Variants in SNW1 observed in about 807,000 individuals in gnomAD.
SNW1 encodes SNW domain-containing protein 1.
A neutral mutation model predicts 75.6 loss-of-function variants in SNW1; 9 were observed. The observed-to-expected ratio is 0.12, with a 90% CI of 0.07 to 0.21. The LOEUF (loss-of-function observed/expected upper bound fraction) is 0.21, where lower values mean the gene tolerates loss of function less well. Ranked by LOEUF, SNW1 falls within the 10% of genes least tolerant of loss-of-function variation. The pLI is 1.00. For synonymous variants in SNW1, 200 were observed against 219.1 expected (o/e 0.91, Z 0.77); for missense variants, 409 against 670.9 (o/e 0.61, Z 4.31).
intron 10 of SNW1, among the ~76,000 whole-genome samples, chr14:77,728,975 A>G (rs72687212): frequency 0.024 from 3,724 of 152,316 alleles, 80 homozygotes; most frequent in Non-Finnish European, 0.037. Flanking sequence ...AGAGAACTCA[A>G]ATGCAGTAAG....
At chr14:77,754,168 C>A (rs1478458696) in intron 2 of SNW1, among the ~76,000 whole-genome samples, 1 of 151,600 alleles carries the variant, frequency 6.6e-6, no homozygotes, top group Non-Finnish European at 1.5e-5. Flanking sequence ...CCTCAGCCTC[C>A]GGAGTAGCTG....
intron 10 of SNW1, 77 bp downstream of exon 10, chr14:77,730,911 G>A: frequency 6.6e-7 from 1 of 1,505,742 alleles, no homozygotes; most frequent in Admixed American, 1.9e-5. Context: ...TTTATATGCA[G>A]TAGGAAAAAG....
chr14:77,745,048 G>C (rs1225945075), intron 3 of SNW1, among the ~76,000 whole-genome samples: 1 of 152,142 alleles, frequency 6.6e-6, no homozygotes, highest in African/African-American at 2.4e-5. Context: ...CAAACTTTCA[G>C]GCAGTAAGTA....
chr14:77,719,472 A>T (rs2080520069), intron 12 of SNW1, among the ~76,000 whole-genome samples: 1 of 152,076 alleles, frequency 6.6e-6, no homozygotes, highest in Non-Finnish European at 1.5e-5. Flanking sequence ...CCCTGTCTCT[A>T]CTAAGGATAC....
chr14:77,752,762 A>C (rs1444864185), intron 2 of SNW1, among the ~76,000 whole-genome samples: 4 of 152,244 alleles, frequency 2.6e-5, no homozygotes, highest in Non-Finnish European at 4.4e-5. Flanking sequence ...AAAAAAAAGA[A>C]AATATTCACT....
At chr14:77,756,649 C>T (rs142905121) in intron 1 of SNW1, among the ~76,000 whole-genome samples, 196 of 152,104 alleles carry the variant, frequency 1.3e-3, no homozygotes, top group African/African-American at 4.4e-3. Context: ...TTTGGGAGGC[C>T]GAGGTGGGTG....
At chr14:77,754,658 T>C (rs1355469935) in intron 2 of SNW1, among the ~76,000 whole-genome samples, 2 of 152,178 alleles carry the variant, frequency 1.3e-5, no homozygotes, top group East Asian at 3.9e-4. Flanking sequence ...CTCTTATCTT[T>C]TACTTTCCCA....
intron 2 of SNW1, 63 bp from the exon 3 acceptor site, chr14:77,751,543 T>C (rs1466768715): frequency 1.5e-6 from 2 of 1,329,706 alleles, no homozygotes; most frequent in African/African-American, 3.0e-5. Flanking sequence ...GATATATTCA[T>C]TCATTCAACA....
chr14:77,755,046 C>T lies in SNW1; in HGVS notation c.89G>A (p.Arg30Gln), dbSNP rs566658506. ...AEEKARSQRS[R>Q]QTSLVSSRRE... Reference sequence around the variant, plus strand: ...TCGGGAGGAGACCAGTGAGGTCTGCCGTGATCTCTGGGATCTTGCCTTTTC... The same window carrying T: ...TCGGGAGGAGACCAGTGAGGTCTGCTGTGATCTCTGGGATCTTGCCTTTTC... Residue 30 changes from arginine to glutamine, a missense_variant, in exon 2 of 14, where the codon CGG (arginine) becomes CAG (glutamine). Arg to Gln is a conservative substitution (Grantham distance 43). Around this residue, in one of 9 missense-constraint regions of SNW1, gnomAD observed 73 missense variants for 68.3 expected, o/e 1.07. Transcript: ENST00000261531. The T allele has an allele frequency of 5.4e-5, 87 of 1,612,430 alleles. 1 individual carries two copies. Among genetic ancestry groups the T allele is most frequent in the South Asian group, 4.8e-4 (44 of 90,886 alleles).
At chr14:77,722,890 G>A in intron 11 of SNW1, 1 of 428,924 alleles carries the variant, frequency 2.3e-6, no homozygotes, top group Non-Finnish European at 4.3e-6. Context: ...TGTCGCCCAG[G>A]CTGGAATGCA....
intron 7 of SNW1, 113 bp from the exon 8 acceptor site, chr14:77,735,125 G>T: frequency 1.6e-6 from 1 of 641,328 alleles, no homozygotes; most frequent in African/African-American, 1.8e-5. Flanking sequence ...ATGCACAGCC[G>T]TAGTAAAAGG....
At chr14:77,720,278 G>A (rs909061927) in intron 12 of SNW1, among the ~76,000 whole-genome samples, 15 of 152,226 alleles carry the variant, frequency 9.9e-5, no homozygotes, top group Middle Eastern at 6.8e-3. Context: ...GGGATTACAG[G>A]CGTGCACCAC....
At chr14:77,758,486 TTG>T (rs1728148041) in intron 1 of SNW1, among the ~76,000 whole-genome samples, 1 of 152,182 alleles carries the variant, frequency 6.6e-6, no homozygotes, top group Non-Finnish European at 1.5e-5. Flanking sequence ...CTCAGCACTC[TTG>T]TCTCTGCTCA....
chr14:77,719,903 C>T (rs554257690), intron 12 of SNW1, among the ~76,000 whole-genome samples: 5 of 152,366 alleles, frequency 3.3e-5, no homozygotes, highest in African/African-American at 1.2e-4. Context: ...TCCCACTCTA[C>T]TTTCCAGTAG....
At chr14:77,741,749 A>T (rs1345867948) in intron 3 of SNW1, among the ~76,000 whole-genome samples, 1 of 152,050 alleles carries the variant, frequency 6.6e-6, no homozygotes, top group Non-Finnish European at 1.5e-5. Flanking sequence ...CAAGAAAAAA[A>T]TACCAATTCT....
At chr14:77,742,826 A>C (rs1214002971) in intron 3 of SNW1, among the ~76,000 whole-genome samples, 3 of 151,924 alleles carry the variant, frequency 2.0e-5, no homozygotes, top group African/African-American at 7.2e-5. Context: ...AACCTTCCCA[A>C]AGTGCTGGGA....
At chr14:77,755,733 A>G (rs1384932919) in intron 1 of SNW1, among the ~76,000 whole-genome samples, 2 of 146,598 alleles carry the variant, frequency 1.4e-5, no homozygotes, top group Non-Finnish European at 3.0e-5. Context: ...CCGTATTTCC[A>G]TATTTCTTTC....
intron 6 of SNW1, 64 bp downstream of exon 6, chr14:77,736,907 G>A: frequency 8.4e-7 from 1 of 1,194,510 alleles, no homozygotes; most frequent in South Asian, 1.2e-5. Flanking sequence ...CTTTCACTCA[G>A]CATATTGTTT....
In SNW1 at chr14:77,736,029, G is replaced by C. The variant is rs58265795; in HGVS notation, c.639-23C>G. ...ATCCTGAAGTATAAAAACACAACCA[G>C]AGAGTGATATAGTTTCCTCCCTTTT... is the stretch of plus-strand genomic sequence containing the variant. On this transcript the variant is annotated intron_variant, in intron 6 of 13. Coordinates refer to ENST00000261531, the MANE Select transcript of SNW1 (RefSeq NM_012245.3). 1,822 of 1,567,418 alleles carry C rather than the reference G, an allele frequency of 1.2e-3. 23 individuals are homozygous for C. In the African/African-American group the frequency reaches 0.023, roughly 19 times the overall value.
Sources: allele counts gnomAD v4.1 joint callset (sites outside exome capture counted in the v4.1 genomes callset), GRCh38; gene constraint gnomAD v4.1.1; regional missense constraint gnomAD v4.1.1; transcripts MANE v1.5; gene names NCBI Gene and HGNC (gene_info 2026-07-23, HGNC 2026-07-21).